The following ANK2 variants were observed in gnomAD, a reference collection of about 807,000 sequenced individuals.
ANK2 encodes the protein ankyrin 2, also known as ankyrin-2.
ANK2 carries 83 observed loss-of-function variants against 360.5 expected under a neutral mutation model. That is an observed-to-expected ratio of 0.23 (90% CI 0.19 to 0.28). The LOEUF (loss-of-function observed/expected upper bound fraction) is 0.28, where lower values mean the gene tolerates loss of function less well. ANK2 is among the 10% of genes least tolerant of loss of function. The pLI, the probability that ANK2 is intolerant of heterozygous loss-of-function variation, is 1.00. For synonymous variants in ANK2, 1,740 were observed against 1,759.5 expected (o/e 0.99, Z 0.28); for missense variants, 4,201 against 4,795.7 (o/e 0.88, Z 3.66).
intron 1 of ANK2, among the ~76,000 whole-genome samples, chr4:112,860,461 A>G (rs1453430726): frequency 6.6e-6 from 1 of 152,110 alleles, no homozygotes; most frequent in Non-Finnish European, 1.5e-5. Context: ...TCCTGACCTC[A>G]TGATCCGCCG....
intron 2 of ANK2, among the ~76,000 whole-genome samples, chr4:113,021,541 C>CACACACACACACACACACATAT (rs1489947974): frequency 1.5e-4 from 14 of 95,638 alleles, no homozygotes; most frequent in Non-Finnish European, 3.2e-4. Flanking sequence ...CACACACAAA[C>CACACACACACACACACACATAT]ATATATATAT....
chr4:113,051,661 C>T (rs185873419), intron 1 of ANK2, among the ~76,000 whole-genome samples: 34 of 152,238 alleles, frequency 2.2e-4, no homozygotes, highest in African/African-American at 7.7e-4. Flanking sequence ...CACATAAACA[C>T]ACACATACAC....
chr4:112,955,666 C>T (rs779790695), intron 2 of ANK2, among the ~76,000 whole-genome samples: 1 of 151,886 alleles, frequency 6.6e-6, no homozygotes, highest in East Asian at 1.9e-4. Flanking sequence ...ATGAATGTTA[C>T]TTATTGAAAA....
At chr4:112,806,431 A>C in the ANK2 span, among the ~76,000 whole-genome samples, 2 of 152,288 alleles carry the variant, frequency 1.3e-5, no homozygotes, top group South Asian at 4.1e-4. Context: ...TATATACTAC[A>C]TTTTCTTTAT....
At chr4:113,219,610 C>T (rs545497514) in intron 4 of ANK2, among the ~76,000 whole-genome samples, 1 of 152,240 alleles carries the variant, frequency 6.6e-6, no homozygotes, top group African/African-American at 2.4e-5. Context: ...AGCAGATTTA[C>T]TTTCTTACTG....
At chr4:112,720,543 T>G in the ANK2 span, among the ~76,000 whole-genome samples, 3 of 152,236 alleles carry the variant, frequency 2.0e-5, no homozygotes, top group Non-Finnish European at 2.9e-5. Flanking sequence ...ACAACACATC[T>G]GATCCTGTCA....
chr4:113,336,761 G>C lies in ANK2; in HGVS notation c.3776G>C (p.Arg1259Thr), dbSNP rs765956986. Residue 1259 changes from arginine (R) to threonine (T), a missense_variant, in exon 31 of 46, where the codon AGA (arginine) becomes ACA (threonine). By Grantham distance (71) the Arg-to-Thr change is moderately conservative. Transcript: ENST00000357077. ...NGFGGDAPTL[R>T]LLCSITGGTT... ...TTTGGGGGAGATGCACCAACCTTAA[G>C]ATTACTATGCAGCATAACAGGTGAG... is the stretch of plus-strand genomic sequence containing the variant. The C allele has an allele frequency of 6.2e-7, 1 of 1,614,074 alleles. No homozygotes were observed.
chr4:112,992,234 C>T (rs970505756), intron 2 of ANK2, among the ~76,000 whole-genome samples: 16 of 151,962 alleles, frequency 1.1e-4, no homozygotes, highest in African/African-American at 3.1e-4. Context: ...ACCTCCGCCT[C>T]CCAGGTTCAA....
chr4:113,098,812 T>C (rs1490348544), intron 1 of ANK2, among the ~76,000 whole-genome samples: 1 of 151,978 alleles, frequency 6.6e-6, no homozygotes. Flanking sequence ...CATTATCAAG[T>C]GAGATTTATT....
the ANK2 span, chr4:112,798,651 TG>T: frequency 2.0e-5 from 3 of 152,346 alleles, no homozygotes; most frequent in Middle Eastern, 3.4e-3. Context: ...CTCATCTGCT[TG>T]ATAACTTTGT....
intron 41 of ANK2, among the ~76,000 whole-genome samples, chr4:113,365,397 T>C (rs188099218): frequency 7.2e-4 from 110 of 152,288 alleles, no homozygotes; most frequent in Non-Finnish European, 1.8e-4. Flanking sequence ...CATTCTTTGT[T>C]ATTTCACAGA....
chr4:113,343,359 A>C (rs986130235), intron 34 of ANK2, among the ~76,000 whole-genome samples: 15 of 152,242 alleles, frequency 9.9e-5, no homozygotes, highest in Non-Finnish European at 1.9e-4. Context: ...GGATGAGAAC[A>C]GGACAAATAA....
At chr4:112,752,820 G>A in the ANK2 span, among the ~76,000 whole-genome samples, 1 of 151,900 alleles carries the variant, frequency 6.6e-6, no homozygotes, top group Non-Finnish European at 1.5e-5. Flanking sequence ...CATGCGCCAC[G>A]ATACCTGGCT....
intron 2 of ANK2, among the ~76,000 whole-genome samples, chr4:113,195,830 C>T (rs1422011731): frequency 6.6e-6 from 1 of 151,912 alleles, no homozygotes; most frequent in African/African-American, 2.4e-5. Context: ...TAAGTTTTTT[C>T]CAAATTGTTG....
intron 35 of ANK2, among the ~76,000 whole-genome samples, chr4:113,347,340 T>G (rs1244016947): frequency 6.6e-6 from 1 of 152,138 alleles, no homozygotes; most frequent in Non-Finnish European, 1.5e-5. Flanking sequence ...ATAATTTCAT[T>G]GTATTTTGAT....
chr4:113,293,786 T>C (rs1232572265), intron 22 of ANK2, among the ~76,000 whole-genome samples: 1 of 152,232 alleles, frequency 6.6e-6, no homozygotes, highest in East Asian at 1.9e-4. Context: ...TTTTATAATA[T>C]TTAATTCCTT....
intron 1 of ANK2, among the ~76,000 whole-genome samples, chr4:112,888,070 A>G (rs1204595398): frequency 2.0e-5 from 3 of 152,182 alleles, no homozygotes; most frequent in Non-Finnish European, 4.4e-5. Flanking sequence ...ATTATATTTT[A>G]ACAAAAGCTA....
intron 24 of ANK2, among the ~76,000 whole-genome samples, chr4:113,314,047 G>A (rs2153826965): frequency 6.6e-6 from 1 of 152,250 alleles, no homozygotes; most frequent in Middle Eastern, 3.4e-3. Flanking sequence ...TGTAGTTGGA[G>A]AAGATAGAAA....
intron 1 of ANK2, among the ~76,000 whole-genome samples, chr4:113,165,651 T>C (rs1362273650): frequency 6.6e-6 from 1 of 152,176 alleles, no homozygotes; most frequent in Non-Finnish European, 1.5e-5. Context: ...CATATTCTTC[T>C]AGTTCTTATG....
Sources: gnomAD v4.1 joint callset for allele counts (sites outside exome capture counted in the v4.1 genomes callset) on GRCh38, gnomAD v4.1.1 for gene constraint, MANE v1.5 for transcripts, NCBI Gene and HGNC (gene_info 2026-07-23, HGNC 2026-07-21) for gene names.